Variants in C10orf88 observed in about 807,000 individuals in gnomAD.
C10orf88 encodes ATPase PAAT.
C10orf88 carries 29 observed loss-of-function variants against 34.2 expected under a neutral mutation model. That is an observed-to-expected ratio of 0.85 (90% CI 0.63 to 1.16). C10orf88 has a LOEUF of 1.16. Ranked by LOEUF, C10orf88 falls within the 50% of genes most tolerant of loss-of-function variation. The pLI is 0.00. For missense variants in C10orf88, 507 were observed against 533.2 expected (o/e 0.95, Z 0.48); for synonymous variants, 194 against 197.4 (o/e 0.98, Z 0.15).
chr10:122,954,126 G>A lies in C10orf88; in HGVS notation c.53C>T (p.Ser18Phe). ...GGLTRRPTLA[S>F]SWDVAGGALT... ...GGCCCCGCCTGCAACATCCCAAGAA[G>A]AGGCCAGCGTGGGGCGGCGGGTGAG... Residue 18 changes from serine to phenylalanine, a missense_variant, in exon 1 of 6, where the codon TCT becomes TTT. By Grantham distance (155) the Ser-to-Phe change is radical. Transcript: ENST00000481909. 6.3e-7 allele frequency: 1 copy of A among 1,589,744 alleles called. No individual in the cohort carries two copies.
chr10:122,936,364 G>C (rs896071003), intron 5 of C10orf88, among the ~76,000 whole-genome samples: 11 of 151,708 alleles, frequency 7.3e-5, no homozygotes, highest in African/African-American at 2.7e-4. Context: ...TGATAGTCTT[G>C]TTTGAAGTGT....
Position 122,932,208 on chromosome 10 carries a change from T to C in C10orf88, c.*219A>G, listed in dbSNP as rs1256961721. 4 of 415,602 alleles carry C rather than the reference T, an allele frequency of 9.6e-6. No individual in the cohort carries two copies. The highest frequency in any genetic ancestry group is 1.7e-5 in the Non-Finnish European group (4 of 233,628). 25.7% of individuals were successfully genotyped at this position (415,602 alleles called of 1,614,324 possible). ...CATACATTTCTGTAAGACTGAAAAATATCGTGAGCAAAAATAATTTGACTG... is the reference window on the plus strand; with the variant it reads ...CATACATTTCTGTAAGACTGAAAAACATCGTGAGCAAAAATAATTTGACTG... On this transcript the variant is annotated 3_prime_UTR_variant, in exon 6 of 6. Coordinates refer to ENST00000481909, the MANE Select transcript of C10orf88 (RefSeq NM_024942.4).
At chr10:122,946,153 A>T (rs2133334321) in intron 4 of C10orf88, among the ~76,000 whole-genome samples, 1 of 152,316 alleles carries the variant, frequency 6.6e-6, no homozygotes, top group East Asian at 1.9e-4. Flanking sequence ...TTGAAAAATA[A>T]AAAATGTTTA....
intron 4 of C10orf88, among the ~76,000 whole-genome samples, chr10:122,942,354 G>T (rs1375639368): frequency 6.6e-6 from 1 of 152,038 alleles, no homozygotes; most frequent in Admixed American, 6.6e-5. Context: ...CAATAAATTA[G>T]GTATTGATAG....
At chr10:122,950,094 A>G (rs1564723115) in intron 3 of C10orf88, among the ~76,000 whole-genome samples, 3 of 152,240 alleles carry the variant, frequency 2.0e-5, no homozygotes, top group Non-Finnish European at 2.9e-5. Context: ...CAAAATGGAA[A>G]GGGAACGGAC....
chr10:122,942,834 T>C (rs1349174737), intron 4 of C10orf88, among the ~76,000 whole-genome samples: 2 of 149,612 alleles, frequency 1.3e-5, no homozygotes, highest in Non-Finnish European at 3.0e-5. Context: ...GAAGGACCTC[T>C]TCAAGGAGAA....
At position 122,948,949 on chromosome 10, in the gene C10orf88, T is replaced by G. The variant is rs1221041136; in HGVS notation, c.442-94A>C. 17 of 1,083,894 alleles carry G rather than the reference T, an allele frequency of 1.6e-5. 1 individual carries two copies. In the South Asian group the frequency reaches 2.7e-4, roughly 17 times the overall value. The allele number at this position is 1,083,894 out of a possible 1,614,324, so 67.1% of individuals were successfully genotyped here. A position where few individuals can be genotyped will look rare whatever the true frequency, so the allele number is the denominator to read the frequency against. ...GTATGACCTAAACAAGAGTGAAGTA[T>G]TCAAGAATCTAAAAATTAACTTCAA... On this transcript the variant is annotated intron_variant, in intron 3 of 5. Transcript: ENST00000481909.
intron 1 of C10orf88, 47 bp downstream of exon 1, chr10:122,953,968 C>G: frequency 1.4e-6 from 2 of 1,470,234 alleles, no homozygotes; most frequent in Non-Finnish European, 9.0e-7. Context: ...CCTAGAAGCG[C>G]GGCAGTTGCC....
chr10:122,952,479 G>A (rs1848699170), intron 2 of C10orf88, among the ~76,000 whole-genome samples: 1 of 152,170 alleles, frequency 6.6e-6, no homozygotes, highest in Admixed American at 6.5e-5. Flanking sequence ...CAAAGTTCCA[G>A]ACTGACTACC....
intron 5 of C10orf88, among the ~76,000 whole-genome samples, chr10:122,932,996 A>G (rs1848498490): frequency 1.3e-5 from 2 of 152,204 alleles, no homozygotes; most frequent in Non-Finnish European, 2.9e-5. Flanking sequence ...GTCAACATGC[A>G]TATTTTCAAA....
At chr10:122,937,004 C>T (rs1029481278) in intron 5 of C10orf88, among the ~76,000 whole-genome samples, 5 of 151,844 alleles carry the variant, frequency 3.3e-5, no homozygotes, top group African/African-American at 9.7e-5. Context: ...TTGGTGGTGG[C>T]GTTTAGTTAC....
chr10:122,950,043 T>C (rs1193369671), intron 3 of C10orf88, among the ~76,000 whole-genome samples: 1 of 152,216 alleles, frequency 6.6e-6, no homozygotes, highest in Non-Finnish European at 1.5e-5. Context: ...TCCATATTTC[T>C]GAAACGAGAC....
In C10orf88 at chr10:122,932,537, C is replaced by T; in HGVS notation, c.1228G>A (p.Asp410Asn). The T allele has an allele frequency of 6.2e-7, 1 of 1,613,976 alleles. No homozygotes were observed. Among genetic ancestry groups the T allele is most frequent in the East Asian group, 2.2e-5 (1 of 44,854 alleles). Reference sequence around the variant, plus strand: ...AAATCCAGTAACAAAGCAATCTTATCATCAATGTGCTCCTGGAGTTCATGT... The same window carrying T: ...AAATCCAGTAACAAAGCAATCTTATTATCAATGTGCTCCTGGAGTTCATGT... The part of the protein sequence containing the change: ...RIHELQEHID[D>N]KIALLLDLLQ... The change falls in exon 6 of 6, where the codon GAT (aspartate) becomes AAT (asparagine). Residue 410 changes from aspartate to asparagine, a missense_variant. Transcript: ENST00000481909.
At position 122,937,397 on chromosome 10, in the gene C10orf88, A is replaced by G. The variant is rs189751816; in HGVS notation, c.1103+308T>C. ...AATATATAAAAACAACATAAAGATT[A>G]TAATTCCCACAGCTCCTTTCCATTC... On this transcript the variant is annotated intron_variant, in intron 5 of 5. Coordinates refer to ENST00000481909, the MANE Select transcript of C10orf88 (RefSeq NM_024942.4). Among the ~76,000 whole-genome samples the G allele has an allele frequency of 5.7e-4, 86 of 152,166 alleles. 1 individual carries two copies. The South Asian group carries it at 7.1e-3, about 12-fold the overall frequency.
intron 3 of C10orf88, 101 bp from the exon 4 acceptor site, chr10:122,948,956 A>T: frequency 1.9e-6 from 2 of 1,043,928 alleles, no homozygotes; most frequent in Non-Finnish European, 2.7e-6. Flanking sequence ...GTATTCAAGA[A>T]TCTAAAAATT....
At chr10:122,950,221 AT>A (rs1848678387) in intron 3 of C10orf88, among the ~76,000 whole-genome samples, 1 of 152,210 alleles carries the variant, frequency 6.6e-6, no homozygotes, top group East Asian at 1.9e-4. Flanking sequence ...AGTAGCAATG[AT>A]TTCACATAGT....
Position 122,948,165 on chromosome 10 carries a change from T to G in C10orf88, c.648+484A>C, listed in dbSNP as rs565779254. 1.7e-3 allele frequency among the ~76,000 whole-genome samples: 254 copies of G among 152,332 alleles called. 1 individual carries two copies. Among genetic ancestry groups the G allele is most frequent in the African/African-American group, 5.7e-3 (236 of 41,574 alleles). Reference sequence around the variant, plus strand: ...AACTACCATTCATTTCCCAGCTATATCAAATTCTTCTAGCATTGAAGATTT... The same window carrying G: ...AACTACCATTCATTTCCCAGCTATAGCAAATTCTTCTAGCATTGAAGATTT... On this transcript the variant is annotated intron_variant, in intron 4 of 5. Coordinates refer to ENST00000481909, the MANE Select transcript of C10orf88 (RefSeq NM_024942.4).
rs974803109 is a variant in C10orf88, at chr10:122,952,001, T to A, written c.394A>T (p.Lys132Ter). The A allele has an allele frequency of 1.5e-5, 23 of 1,530,018 alleles. No individual in the cohort carries two copies. Among genetic ancestry groups the A allele is most frequent in the Non-Finnish European group, 1.9e-5 (21 of 1,112,530 alleles). 94.8% of individuals were successfully genotyped at this position (1,530,018 alleles called of 1,614,324 possible). The change falls in exon 3 of 6, where the codon AAA becomes TAA. Residue 132 changes from lysine (K) to a stop codon, truncating the protein, a stop_gained. Coordinates refer to ENST00000481909, the MANE Select transcript of C10orf88 (RefSeq NM_024942.4). LOFTEE classifies it high-confidence loss of function. ...GAGGACTCCAATTTTAGATTTTTTT[T>A]ATACAAAATGATCTTTTCATGTTCA... ...DSEHEKIILY[K>*]KNLKLESSTH...
Position 122,937,620 on chromosome 10 carries a change from GT to G in C10orf88, c.1103+84del, listed in dbSNP as rs886322183. 118 of 1,209,064 alleles carry G rather than the reference GT, an allele frequency of 9.8e-5. No homozygotes were observed. In the Middle Eastern group the frequency reaches 2.0e-3, roughly 20 times the overall value. The allele number at this position is 1,209,064 out of a possible 1,614,324, so 74.9% of individuals were successfully genotyped here. On this transcript the variant is annotated intron_variant, in intron 5 of 5. Transcript: ENST00000481909. ...TTTCTCTGGAAACAAATTTTAGGCA[GT>G]ACTCATTGAGACAAATCTGTTTCCT...
Sources: gnomAD v4.1 joint callset for allele counts (sites outside exome capture counted in the v4.1 genomes callset) on GRCh38, gnomAD v4.1.1 for gene constraint, MANE v1.5 for transcripts, NCBI Gene and HGNC (gene_info 2026-07-23, HGNC 2026-07-21) for gene names.